CPS1: variants seen among roughly 807,000 people sequenced by gnomAD.
CPS1 encodes carbamoyl-phosphate synthase 1.
A neutral mutation model predicts 174.6 loss-of-function variants in CPS1; 109 were observed. The ratio of observed to expected loss-of-function variants is 0.62; its 90% confidence interval spans 0.53 to 0.73. CPS1 has a LOEUF of 0.73. CPS1 is among the 30% of genes least tolerant of loss of function. The pLI is 0.00. For synonymous variants in CPS1, 637 were observed against 632.0 expected, an observed-to-expected ratio of 1.01 and a Z score of -0.12; for missense variants, 1,689 against 1,821.9, an observed-to-expected ratio of 0.93 and a Z score of 1.33.
In CPS1 at chr2:210,616,455, T is replaced by C. The variant is rs375325824; in HGVS notation, c.2601T>C (p.Ile867=). 3.8e-5 allele frequency: 61 copies of C among 1,612,178 alleles called. 2 individuals carry two copies. Among genetic ancestry groups the C allele is most frequent in the South Asian group, 2.7e-4 (25 of 91,048 alleles). Residue 867 remains isoleucine (I), a synonymous_variant, in exon 21 of 38, where the codon ATT becomes ATC. Transcript: ENST00000233072. ...ATGACAACATGTCCCTTGATGAGAT[T>C]GAGAAGCTCACATACATTGACAAGT... ...AIDDNMSLDE[I]EKLTYIDKWF...
intron 1 of CPS1, among the ~76,000 whole-genome samples, chr2:210,486,380 A>G (rs888155710): frequency 3.3e-5 from 5 of 152,158 alleles, no homozygotes; most frequent in African/African-American, 1.2e-4. Context: ...TTTGAAGAGC[A>G]TCTAATGACT....
intron 1 of CPS1, among the ~76,000 whole-genome samples, chr2:210,510,033 G>T (rs1395039799): frequency 1.3e-5 from 2 of 151,992 alleles, no homozygotes; most frequent in Non-Finnish European, 2.9e-5. Flanking sequence ...CTACTTTAAA[G>T]TTCATATGGA....
At chr2:210,666,626 C>G (rs1701109054) in intron 33 of CPS1, among the ~76,000 whole-genome samples, 1 of 152,056 alleles carries the variant, frequency 6.6e-6, no homozygotes, top group Admixed American at 6.6e-5. Context: ...TGTCAAAGAT[C>G]AGATAGTTGT....
Position 210,658,638 on chromosome 2 carries a change from A to G in CPS1, c.3706A>G (p.Ile1236Val), listed in dbSNP as rs767193495. Reference sequence around the variant, plus strand: ...CCGGAAGATTGCAAAGGCTTTTGCCATCTCTGGTCCATTCAACGTCCAATT... The same window carrying G: ...CCGGAAGATTGCAAAGGCTTTTGCCGTCTCTGGTCCATTCAACGTCCAATT... ...ATRKIAKAFA[I>V]SGPFNVQFLV... is the part of the protein sequence containing the mutation. The change falls in exon 31 of 38, where the codon ATC becomes GTC. Residue 1236 changes from isoleucine to valine, a missense_variant. Coordinates refer to ENST00000233072, the MANE Select transcript of CPS1 (RefSeq NM_001875.5). The G allele has an allele frequency of 3.1e-6, 5 of 1,614,004 alleles. No individual in the cohort carries two copies. Among genetic ancestry groups the G allele is most frequent in the South Asian group, 2.2e-5 (2 of 91,092 alleles).
intron 1 of CPS1, among the ~76,000 whole-genome samples, chr2:210,506,691 T>C (rs985698555): frequency 3.3e-5 from 5 of 152,190 alleles, no homozygotes; most frequent in African/African-American, 4.8e-5. Context: ...AAGGACCTGA[T>C]GGAGCTGAAA....
chr2:210,580,464 G>C (rs1487081021), intron 5 of CPS1, among the ~76,000 whole-genome samples: 1 of 151,860 alleles, frequency 6.6e-6, no homozygotes, highest in Non-Finnish European at 1.5e-5. Context: ...AAATCTGAAA[G>C]AAACATTACG....
intron 2 of CPS1, among the ~76,000 whole-genome samples, chr2:210,575,612 A>G (rs1442190919): frequency 2.0e-5 from 3 of 151,854 alleles, no homozygotes; most frequent in African/African-American, 4.8e-5. Flanking sequence ...CCCTAATTCC[A>G]TATCAGTACT....
chr2:210,526,096 G>A (rs1440191578), intron 1 of CPS1, among the ~76,000 whole-genome samples: 1 of 151,832 alleles, frequency 6.6e-6, no homozygotes, highest in Non-Finnish European at 1.5e-5. Context: ...CATGGATGAA[G>A]CTGAAAACCA....
intron 1 of CPS1, among the ~76,000 whole-genome samples, chr2:210,566,359 C>G (rs1697302646): frequency 6.6e-6 from 1 of 152,058 alleles, no homozygotes. Flanking sequence ...ACTCAAGGGC[C>G]TAGGATCAGT....
intron 1 of CPS1, among the ~76,000 whole-genome samples, chr2:210,505,593 C>T (rs1303287649): frequency 3.3e-5 from 5 of 151,642 alleles, no homozygotes; most frequent in Non-Finnish European, 7.4e-5. Context: ...GGGCGAGCAT[C>T]GCCTCACCCG....
At chr2:210,517,109 A>G (rs1287371774) in intron 1 of CPS1, among the ~76,000 whole-genome samples, 1 of 151,966 alleles carries the variant, frequency 6.6e-6, no homozygotes, top group Non-Finnish European at 1.5e-5. Context: ...AAACGAGGAA[A>G]TATTTCATAA....
intron 34 of CPS1, 103 bp from the exon 35 acceptor site, chr2:210,674,799 C>T (rs1701465974): frequency 1.0e-6 from 1 of 960,034 alleles, no homozygotes; most frequent in African/African-American, 1.6e-5. Context: ...AAGCATCCGG[C>T]AACATGTAAC....
chr2:210,531,971 G>T (rs900490705), intron 1 of CPS1, among the ~76,000 whole-genome samples: 29 of 152,130 alleles, frequency 1.9e-4, no homozygotes, highest in African/African-American at 7.0e-4. Context: ...GCGAGAGTAA[G>T]ATTTTCTGAT....
At chr2:210,625,658 A>G (rs983930701) in intron 21 of CPS1, among the ~76,000 whole-genome samples, 8 of 152,090 alleles carry the variant, frequency 5.3e-5, no homozygotes, top group African/African-American at 1.9e-4. Flanking sequence ...GAGAATTTAA[A>G]ATAAATGAAA....
chr2:210,578,058 G>A (rs1485113606), intron 4 of CPS1, among the ~76,000 whole-genome samples: 2 of 151,954 alleles, frequency 1.3e-5, no homozygotes, highest in African/African-American at 2.4e-5. Context: ...TATTAATAAT[G>A]TAAGAAAAGG....
At chr2:210,612,084 C>G in intron 19 of CPS1, 33 bp from the exon 20 acceptor site, 1 of 1,595,966 alleles carries the variant, frequency 6.3e-7, no homozygotes. Context: ...TAAGCTCTTT[C>G]TTTCAATATG....
At chr2:210,653,983 C>A in intron 28 of CPS1, 42 bp from the exon 29 acceptor site, 2 of 1,463,064 alleles carry the variant, frequency 1.4e-6, no homozygotes, top group Non-Finnish European at 1.9e-6. Flanking sequence ...ATATACATAG[C>A]GTTAGCTAAA....
intron 33 of CPS1, among the ~76,000 whole-genome samples, chr2:210,666,480 A>G (rs1327889549): frequency 2.0e-5 from 3 of 151,946 alleles, no homozygotes; most frequent in African/African-American, 7.3e-5. Context: ...TAAGTCTTTA[A>G]TCCATCTTGA....
At chr2:210,490,385 G>A (rs1302556863) in intron 1 of CPS1, among the ~76,000 whole-genome samples, 1 of 152,084 alleles carries the variant, frequency 6.6e-6, no homozygotes, top group African/African-American at 2.4e-5. Flanking sequence ...GACCTTCCTA[G>A]GTTGTCTGAA....
Sources: allele counts gnomAD v4.1 joint callset (sites outside exome capture counted in the v4.1 genomes callset), GRCh38; gene constraint gnomAD v4.1.1; transcripts MANE v1.5; gene names NCBI Gene and HGNC (gene_info 2026-07-23, HGNC 2026-07-21).